NLGN1: variants seen among roughly 807,000 people sequenced by gnomAD.
NLGN1 encodes neuroligin 1, also known as neuroligin-1.
NLGN1 carries 12 observed loss-of-function variants against 65.5 expected under a neutral mutation model. The observed-to-expected ratio is 0.18, with a 90% CI of 0.12 to 0.30. NLGN1 has a LOEUF of 0.30. NLGN1 is among the 10% of genes least tolerant of loss of function. NLGN1 has a pLI of 1.00. For synonymous variants in NLGN1, 350 were observed against 359.5 expected (o/e 0.97, Z 0.30); for missense variants, 750 against 1,007.1 (o/e 0.74, Z 3.46).
intron 2 of NLGN1, among the ~76,000 whole-genome samples, chr3:173,569,362 A>G (rs2149325185): frequency 6.6e-6 from 1 of 152,170 alleles, no homozygotes; most frequent in African/African-American, 2.4e-5. Context: ...TTATGAATTA[A>G]TCGGCAGTCA....
intron 4 of NLGN1, among the ~76,000 whole-genome samples, chr3:174,006,684 T>C (rs1187958746): frequency 6.6e-6 from 1 of 152,152 alleles, no homozygotes; most frequent in East Asian, 1.9e-4. Flanking sequence ...CTTCAGAATG[T>C]ATTTGGAGAG....
chr3:174,063,275 G>T (rs1306776419), intron 4 of NLGN1, among the ~76,000 whole-genome samples: 3 of 152,016 alleles, frequency 2.0e-5, no homozygotes, highest in African/African-American at 7.2e-5. Flanking sequence ...CAAAATTAAG[G>T]CTTAAATAAA....
At chr3:173,527,749 C>G (rs1027797961) in intron 2 of NLGN1, among the ~76,000 whole-genome samples, 2 of 152,050 alleles carry the variant, frequency 1.3e-5, no homozygotes, top group African/African-American at 4.8e-5. Flanking sequence ...TGTTTGAGCT[C>G]CTTATATATT....
chr3:174,285,525 T>TA (rs1195395307), exon 7 of NLGN1: 1 of 151,562 alleles, frequency 6.6e-6, no homozygotes, highest in Non-Finnish European at 1.5e-5. Flanking sequence ...AGTAGCCTTA[T>TA]ACCTCTCCTG....
At position 173,956,690 on chromosome 3, in the gene NLGN1, A is replaced by T. The variant is rs191201088; in HGVS notation, c.646+148858A>T. Among the ~76,000 whole-genome samples, 48 of 152,200 alleles carry T rather than the reference A, an allele frequency of 3.2e-4. 1 individual carries two copies. Among genetic ancestry groups the T allele is most frequent in the Non-Finnish European group, 5.0e-4 (34 of 68,022 alleles). Reference sequence around the variant, plus strand: ...TTAAAGTTGTGGCTTTTATGTATGGATATGATAGTTTTCTTTAAAGAGTTG... The same window carrying T: ...TTAAAGTTGTGGCTTTTATGTATGGTTATGATAGTTTTCTTTAAAGAGTTG... On this transcript the variant is annotated intron_variant, in intron 4 of 6. Coordinates refer to ENST00000457714, the Ensembl canonical transcript of NLGN1.
rs2152586384 is a variant in NLGN1, at chr3:174,104,120, A to G, written c.647-171195A>G. ...GCAGTAGCTTCTCTTTTCTCCTTTC[A>G]GGTTTCAAATCGTCCTTCTTTAAGC... is the stretch of plus-strand genomic sequence containing the variant. On this transcript the variant is annotated intron_variant, in intron 4 of 6. Coordinates refer to ENST00000457714, the Ensembl canonical transcript of NLGN1. Among the ~76,000 whole-genome samples the G allele has an allele frequency of 2.6e-5, 4 of 151,978 alleles. No individual in the cohort carries two copies. The South Asian group carries it at 8.3e-4, about 32-fold the overall frequency.
At chr3:174,199,250 G>T (rs1734012727) in intron 4 of NLGN1, among the ~76,000 whole-genome samples, 1 of 151,904 alleles carries the variant, frequency 6.6e-6, no homozygotes, top group Non-Finnish European at 1.5e-5. Context: ...TAAACCTCAG[G>T]TTCCGTATTT....
intron 4 of NLGN1, among the ~76,000 whole-genome samples, chr3:174,103,582 A>G (rs1713039023): frequency 6.6e-6 from 1 of 152,128 alleles, no homozygotes; most frequent in African/African-American, 2.4e-5. Flanking sequence ...TGCCATTATA[A>G]TATAGTAAAG....
chr3:173,507,926 G>C (rs1381825903), intron 2 of NLGN1, among the ~76,000 whole-genome samples: 1 of 152,236 alleles, frequency 6.6e-6, no homozygotes, highest in East Asian at 1.9e-4. Context: ...TTACAGCGCA[G>C]TTTACTCAAC....
At chr3:173,844,321 GGTGTTTC>G (rs1725345191) in intron 4 of NLGN1, among the ~76,000 whole-genome samples, 1 of 152,142 alleles carries the variant, frequency 6.6e-6, no homozygotes, top group Middle Eastern at 3.4e-3. Context: ...AGACAGAGGG[GGTGTTTC>G]GAGGAGAAAC....
intron 2 of NLGN1, among the ~76,000 whole-genome samples, chr3:173,447,881 A>G (rs1720684176): frequency 1.3e-5 from 2 of 152,212 alleles, no homozygotes; most frequent in Admixed American, 1.3e-4. Flanking sequence ...TGGTGTGTAT[A>G]AGAATGCTTG....
At chr3:173,619,260 A>T (rs1475100027) in intron 3 of NLGN1, among the ~76,000 whole-genome samples, 2 of 152,124 alleles carry the variant, frequency 1.3e-5, no homozygotes, top group Non-Finnish European at 2.9e-5. Context: ...TTACCCTTAC[A>T]GTTAGTTCCC....
chr3:174,172,656 G>C (rs1324823682), intron 4 of NLGN1, among the ~76,000 whole-genome samples: 1 of 151,986 alleles, frequency 6.6e-6, no homozygotes, highest in South Asian at 2.1e-4. Flanking sequence ...TGGGTTCTCT[G>C]TTATTTTCTA....
At chr3:173,772,238 A>G (rs2861600) in intron 3 of NLGN1, among the ~76,000 whole-genome samples, 94,844 of 151,992 alleles carry the variant, frequency 0.62, 30,509 homozygotes, top group Non-Finnish European at 0.71. Flanking sequence ...TTGAAAGAGC[A>G]GTTTTTATTA....
At chr3:173,920,619 A>G (rs1741798764) in intron 4 of NLGN1, 1 of 152,158 alleles carries the variant, frequency 6.6e-6, no homozygotes, top group Admixed American at 6.5e-5. Context: ...TCTGAAGCTC[A>G]AAGTTTAAGA....
intron 2 of NLGN1, among the ~76,000 whole-genome samples, chr3:173,538,269 G>T (rs867221666): frequency 6.6e-6 from 1 of 152,120 alleles, no homozygotes. Flanking sequence ...TCACTGTAAC[G>T]AAATCTTTAG....
chr3:174,248,652 T>C (rs1744233033), intron 4 of NLGN1, among the ~76,000 whole-genome samples: 1 of 152,090 alleles, frequency 6.6e-6, no homozygotes, highest in Non-Finnish European at 1.5e-5. Context: ...TCCCAGCTAC[T>C]CAGGAGGCTG....
At chr3:173,965,679 AT>A (rs980258295) in intron 4 of NLGN1, among the ~76,000 whole-genome samples, 2 of 151,980 alleles carry the variant, frequency 1.3e-5, no homozygotes, top group African/African-American at 2.4e-5. Flanking sequence ...TTGGGAGAGA[AT>A]TTTCTCGACT....
intron 2 of NLGN1, among the ~76,000 whole-genome samples, chr3:173,531,282 G>A (rs1290096941): frequency 6.6e-6 from 1 of 152,034 alleles, no homozygotes; most frequent in African/African-American, 2.4e-5. Flanking sequence ...GATTTTTCAA[G>A]AACTTTAAAG....
Sources: gnomAD v4.1 joint callset for allele counts (sites outside exome capture counted in the v4.1 genomes callset) on GRCh38, gnomAD v4.1.1 for gene constraint, MANE v1.5 for transcripts, NCBI Gene and HGNC (gene_info 2026-07-23, HGNC 2026-07-21) for gene names.